Variants in LCLAT1 observed in about 807,000 individuals in gnomAD.
LCLAT1 encodes lysocardiolipin acyltransferase 1, also known as 1-AGP acyltransferase 8.
A neutral mutation model predicts 30.7 loss-of-function variants in LCLAT1; 11 were observed. The observed-to-expected ratio is 0.36, with a 90% confidence interval of 0.23 to 0.59. The LOEUF is 0.59. Ranked by LOEUF, LCLAT1 falls within the 20% of genes least tolerant of loss-of-function variation. The pLI, the probability that LCLAT1 is intolerant of heterozygous loss-of-function variation, is 0.77. For missense variants in LCLAT1, 402 were observed against 458.6 expected (o/e 0.88, Z 1.13); for synonymous variants, 155 against 151.3 (o/e 1.02, Z -0.18).
intron 3 of LCLAT1, among the ~76,000 whole-genome samples, chr2:30,549,946 G>T (rs1664606886): frequency 6.6e-6 from 1 of 152,164 alleles, no homozygotes; most frequent in Admixed American, 6.5e-5. Context: ...ATGTAGCCAA[G>T]AATTAAAAAT....
At chr2:30,482,353 A>G (rs1015238321) in intron 1 of LCLAT1, among the ~76,000 whole-genome samples, 7 of 152,238 alleles carry the variant, frequency 4.6e-5, no homozygotes, top group African/African-American at 1.7e-4. Context: ...AATGTGTATA[A>G]TAAATCTAAT....
intron 4 of LCLAT1, among the ~76,000 whole-genome samples, chr2:30,566,321 T>C (rs1397922722): frequency 6.6e-6 from 1 of 152,150 alleles, no homozygotes; most frequent in Non-Finnish European, 1.5e-5. Context: ...CTACTCATCT[T>C]TGTGGTGTCT....
intron 3 of LCLAT1, among the ~76,000 whole-genome samples, chr2:30,534,219 CTG>C (rs57380693): frequency 0.093 from 12,056 of 130,044 alleles, 428 homozygotes; most frequent in South Asian, 0.11. Flanking sequence ...AGTTGATTTA[CTG>C]TGTGTGTGTG....
chr2:30,571,186 T>C (rs2148454239), intron 5 of LCLAT1, among the ~76,000 whole-genome samples: 1 of 152,318 alleles, frequency 6.6e-6, no homozygotes, highest in African/African-American at 2.4e-5. Context: ...GGATGTAATC[T>C]TTCCACTATT....
rs1278131700 is a variant in LCLAT1 at position 30,490,108 on chromosome 2, G to A, written c.-4-35479G>A. On this transcript the variant is annotated intron_variant, in intron 1 of 5. Transcript: ENST00000379509. The stretch of plus-strand genomic sequence containing the variant: ...ATTTTTTACAACTGAGGAAGTAACA[G>A]GTTGGAAATTTCACAGTTATTAAGT... 3.3e-5 allele frequency among the ~76,000 whole-genome samples: 5 copies of A among 152,058 alleles called. No individual in the cohort carries two copies. In the East Asian group the frequency reaches 9.7e-4, roughly 29 times the overall value.
At chr2:30,542,363 AG>A (rs1664182054) in intron 3 of LCLAT1, among the ~76,000 whole-genome samples, 1 of 152,082 alleles carries the variant, frequency 6.6e-6, no homozygotes, top group African/African-American at 2.4e-5. Flanking sequence ...ATTGTGAGGC[AG>A]GGTCAATGAT....
intron 3 of LCLAT1, among the ~76,000 whole-genome samples, chr2:30,546,197 T>G (rs1414297844): frequency 1.3e-5 from 2 of 152,162 alleles, no homozygotes; most frequent in Non-Finnish European, 2.9e-5. Context: ...AGACTGTTAT[T>G]GGATATGTAG....
At chr2:30,482,440 A>G (rs1308432190) in intron 1 of LCLAT1, among the ~76,000 whole-genome samples, 1 of 152,230 alleles carries the variant, frequency 6.6e-6, no homozygotes. Context: ...TCTCTAGTAT[A>G]TATCTTTCCA....
At chr2:30,609,563 G>A (rs917034102) in intron 5 of LCLAT1, among the ~76,000 whole-genome samples, 1 of 152,058 alleles carries the variant, frequency 6.6e-6, no homozygotes, top group Non-Finnish European at 1.5e-5. Context: ...ACAACCACTT[G>A]ATTCTTTTAG....
intron 5 of LCLAT1, among the ~76,000 whole-genome samples, chr2:30,601,871 C>G (rs144551910): frequency 2.3e-5 from 2 of 87,074 alleles, no homozygotes; most frequent in Non-Finnish European, 6.2e-5. Context: ...CTATAGATAT[C>G]TATCTATAGA....
At chr2:30,599,271 T>C (rs1307829408) in intron 5 of LCLAT1, among the ~76,000 whole-genome samples, 1 of 152,184 alleles carries the variant, frequency 6.6e-6, no homozygotes, top group Admixed American at 6.5e-5. Flanking sequence ...CATGAGCCAC[T>C]GCACCCGGCC....
At chr2:30,511,922 T>A (rs1332478651) in intron 1 of LCLAT1, among the ~76,000 whole-genome samples, 8 of 152,242 alleles carry the variant, frequency 5.3e-5, no homozygotes, top group African/African-American at 1.9e-4. Context: ...CATCCAGCAG[T>A]ACCTGATGCT....
intron 1 of LCLAT1, among the ~76,000 whole-genome samples, chr2:30,476,174 C>G (rs1340204697): frequency 1.3e-5 from 2 of 152,182 alleles, no homozygotes; most frequent in East Asian, 3.8e-4. Context: ...TACTCTGTTC[C>G]TGGAGCTGCT....
chr2:30,617,007 A>G (rs1440520327), intron 5 of LCLAT1, among the ~76,000 whole-genome samples: 2 of 152,144 alleles, frequency 1.3e-5, no homozygotes, highest in Non-Finnish European at 2.9e-5. Flanking sequence ...TTTAGGGGAA[A>G]TATTTGAGAC....
intron 5 of LCLAT1, among the ~76,000 whole-genome samples, chr2:30,579,339 T>C (rs1050920572): frequency 3.3e-5 from 5 of 152,064 alleles, no homozygotes; most frequent in African/African-American, 1.2e-4. Context: ...TATTTAAGTA[T>C]TTTTAAGAAA....
At chr2:30,601,672 G>GTAGAAAA (rs1667188629) in intron 5 of LCLAT1, among the ~76,000 whole-genome samples, 1 of 150,834 alleles carries the variant, frequency 6.6e-6, no homozygotes, top group African/African-American at 2.5e-5. Flanking sequence ...ATTAATAGAT[G>GTAGAAAA]CACTTTAAAA....
intron 5 of LCLAT1, among the ~76,000 whole-genome samples, chr2:30,630,596 T>A (rs1668720750): frequency 6.6e-6 from 1 of 152,226 alleles, no homozygotes. Flanking sequence ...AATGCTAATA[T>A]AAAATTTTAT....
chr2:30,603,444 A>G (rs1667285287), intron 5 of LCLAT1, among the ~76,000 whole-genome samples: 2 of 152,078 alleles, frequency 1.3e-5, no homozygotes. Context: ...ACTGGTAGAA[A>G]AAGTGGAGGA....
At chr2:30,575,095 G>T (rs1665937320) in intron 5 of LCLAT1, among the ~76,000 whole-genome samples, 1 of 152,078 alleles carries the variant, frequency 6.6e-6, no homozygotes, top group Non-Finnish European at 1.5e-5. Context: ...CTCCCAAACT[G>T]TTCCCATTCA....
Sources: gnomAD v4.1 joint callset for allele counts (sites outside exome capture counted in the v4.1 genomes callset) on GRCh38, gnomAD v4.1.1 for gene constraint, MANE v1.5 for transcripts, NCBI Gene and HGNC (gene_info 2026-07-23, HGNC 2026-07-21) for gene names.